ACACA: variants seen among roughly 807,000 people sequenced by gnomAD.
ACACA encodes acetyl-CoA carboxylase alpha, also known as acetyl-CoA carboxylase 1.
A neutral mutation model predicts 296.1 loss-of-function variants in ACACA; 103 were observed. The ratio of observed to expected loss-of-function variants is 0.35; its 90% CI spans 0.30 to 0.41. The LOEUF (loss-of-function observed/expected upper bound fraction) is 0.41, where lower values mean the gene tolerates loss of function less well. Ranked by LOEUF, ACACA falls within the 10% of genes least tolerant of loss-of-function variation. The pLI, the probability that ACACA is intolerant of heterozygous loss-of-function variation, is 1.00. For missense variants in ACACA, 1,554 were observed against 2,989.7 expected, an observed-to-expected ratio of 0.52 and a Z score of 11.20; for synonymous variants, 953 against 1,038.6, an observed-to-expected ratio of 0.92 and a Z score of 1.58.
chr17:37,289,359 A>G (rs1812037576), intron 3 of ACACA: 1 of 910,274 alleles, frequency 1.1e-6, no homozygotes, highest in Non-Finnish European at 1.5e-6. Context: ...CTTTTAAAGA[A>G]CTGTTACTAA....
intron 1 of ACACA, among the ~76,000 whole-genome samples, chr17:37,346,278 C>G (rs2048611664): frequency 6.8e-6 from 1 of 147,182 alleles, no homozygotes; most frequent in African/African-American, 2.6e-5. Flanking sequence ...GATCATGCCA[C>G]TGCACTCCAG....
At chr17:37,110,562 A>G (rs1409245777) in intron 52 of ACACA, among the ~76,000 whole-genome samples, 2 of 152,192 alleles carry the variant, frequency 1.3e-5, no homozygotes, top group African/African-American at 4.8e-5. Context: ...TTGGCAGGCA[A>G]CCTGGCTCAG....
At chr17:37,374,668 T>G (rs2049930802) in intron 1 of ACACA, among the ~76,000 whole-genome samples, 1 of 152,064 alleles carries the variant, frequency 6.6e-6, no homozygotes, top group Admixed American at 6.6e-5. Context: ...AAAATACAAA[T>G]TTGGAAAAAT....
intron 48 of ACACA, among the ~76,000 whole-genome samples, chr17:37,125,170 T>C (rs1014164387): frequency 3.9e-5 from 6 of 152,182 alleles, no homozygotes; most frequent in African/African-American, 1.4e-4. Context: ...TTCAAAAATA[T>C]AGGTATCTTG....
intron 45 of ACACA, among the ~76,000 whole-genome samples, chr17:37,149,309 C>T (rs2075943989): frequency 6.6e-6 from 1 of 152,186 alleles, no homozygotes; most frequent in Non-Finnish European, 1.5e-5. Context: ...TACAAGAGAC[C>T]ACCATCGGTG....
In ACACA at chr17:37,087,299, C is replaced by T; in HGVS notation, c.*17G>A. 6.2e-7 allele frequency: 1 copy of T among 1,614,026 alleles called. No homozygotes were observed. The highest frequency in any genetic ancestry group is 1.1e-5 in the South Asian group (1 of 91,074). On this transcript the variant is annotated 3_prime_UTR_variant, in exon 56 of 56. Coordinates refer to ENST00000616317, the MANE Select transcript of ACACA (RefSeq NM_198834.3). Reference sequence around the variant, plus strand: ...CTTTTCTCCAGAGACAGGGCAGGGACAGGCAGGAAGCTCTTCCTACGTGGA... The same window carrying T: ...CTTTTCTCCAGAGACAGGGCAGGGATAGGCAGGAAGCTCTTCCTACGTGGA...
At chr17:37,154,409 T>C (rs1265550108) in intron 43 of ACACA, among the ~76,000 whole-genome samples, 1 of 151,980 alleles carries the variant, frequency 6.6e-6, no homozygotes, top group African/African-American at 2.4e-5. Flanking sequence ...ATAGTTTAAA[T>C]AGTGTGGTAT....
rs1266765671 is a variant in ACACA at position 37,113,234 on chromosome 17, A to G, written c.6306T>C (p.Ala2102=). The change falls in exon 51 of 56, where the codon GCT becomes GCC. Residue 2102 remains alanine, a synonymous_variant. Coordinates refer to ENST00000616317, the MANE Select transcript of ACACA (RefSeq NM_198834.3). The surrounding 1 kb of genome is among the most constrained non-coding windows in gnomAD (Gnocchi z 4.0). ...ACTCCCTCAAGCCATCCACAATGTA[A>G]GCACCAAACTTCAGCACTTGGTCGT... The part of the protein sequence containing the change: ...DMYDQVLKFG[A]YIVDGLRECC... 1.2e-6 allele frequency: 2 copies of G among 1,614,138 alleles called. No individual in the cohort carries two copies. The highest frequency in any genetic ancestry group is 1.7e-5 in the Admixed American group (1 of 60,004).
At chr17:37,406,159 G>C (rs754806003) in intron 1 of ACACA, 103 bp downstream of exon 1, 5 of 1,332,594 alleles carry the variant, frequency 3.8e-6, no homozygotes, top group Non-Finnish European at 4.3e-6. Flanking sequence ...GAGACCGTAT[G>C]TGTAACCTGC....
chr17:37,301,837 GAAAGAA>G (rs2083633025), intron 3 of ACACA, among the ~76,000 whole-genome samples: 1 of 152,074 alleles, frequency 6.6e-6, no homozygotes, highest in African/African-American at 2.4e-5. Context: ...TCAAATTCTA[GAAAGAA>G]AAAGAAAGGC....
rs144483774 is a variant in ACACA, at chr17:37,400,972, A to G, written c.38+5290T>C. Among the ~76,000 whole-genome samples, 124 of 152,198 alleles carry G rather than the reference A, an allele frequency of 8.1e-4. No individual in the cohort carries two copies. The East Asian group carries it at 0.02, about 25-fold the overall frequency. On this transcript the variant is annotated intron_variant, in intron 1 of 55. Coordinates refer to ENST00000616317, the MANE Select transcript of ACACA (RefSeq NM_198834.3). ...AAAATTTTTAAGGAACCTCCATACT[A>G]TTTTCCAAAATGGCTGTACTAATTT...
intron 3 of ACACA, among the ~76,000 whole-genome samples, chr17:37,285,974 C>T (rs1196927689): frequency 1.3e-5 from 2 of 152,140 alleles, no homozygotes; most frequent in Non-Finnish European, 2.9e-5. Flanking sequence ...TCACTACAAC[C>T]TTCGACTCCC....
chr17:37,138,013 G>C (rs116752450), intron 45 of ACACA, among the ~76,000 whole-genome samples: 4 of 152,036 alleles, frequency 2.6e-5, no homozygotes, highest in African/African-American at 9.7e-5. Flanking sequence ...TTTCTTAGAC[G>C]CGCATACTAT....
At chr17:37,288,366 T>C (rs2082887453) in intron 3 of ACACA, among the ~76,000 whole-genome samples, 1 of 152,094 alleles carries the variant, frequency 6.6e-6, no homozygotes, top group South Asian at 2.1e-4. Context: ...CATGAATGAA[T>C]CTCAAAAACC....
chr17:37,285,902 G>C (rs1182852869), intron 3 of ACACA, among the ~76,000 whole-genome samples: 2 of 152,004 alleles, frequency 1.3e-5, no homozygotes, highest in Non-Finnish European at 2.9e-5. Context: ...TGTTTTTGTT[G>C]TTGTTTTGAG....
At chr17:37,178,551 A>G (rs1044959551) in intron 41 of ACACA, among the ~76,000 whole-genome samples, 1 of 152,212 alleles carries the variant, frequency 6.6e-6, no homozygotes, top group African/African-American at 2.4e-5. Flanking sequence ...GTGCACACCT[A>G]AAATCCCAGC....
At chr17:37,384,781 C>T (rs1377516202) in intron 1 of ACACA, among the ~76,000 whole-genome samples, 1 of 152,208 alleles carries the variant, frequency 6.6e-6, no homozygotes, top group Non-Finnish European at 1.5e-5. Flanking sequence ...AATCGGGGAT[C>T]ACCTCTTCCC....
chr17:37,142,264 G>A (rs1257252593), intron 45 of ACACA, among the ~76,000 whole-genome samples: 1 of 152,074 alleles, frequency 6.6e-6, no homozygotes, highest in Non-Finnish European at 1.5e-5. Context: ...TCTGTGTGGC[G>A]ATTCCACCCT....
intron 3 of ACACA, 124 bp from the exon 4 acceptor site, chr17:37,285,094 G>T: frequency 9.3e-7 from 1 of 1,075,530 alleles, no homozygotes; most frequent in Non-Finnish European, 1.4e-6. Flanking sequence ...GGCAGGTCAC[G>T]TACTTTTCAA....
Sources: gnomAD v4.1 joint callset for allele counts (sites outside exome capture counted in the v4.1 genomes callset) on GRCh38, gnomAD v4.1.1 for gene constraint, Gnocchi (gnomAD v3.1) non-coding constraint, MANE v1.5 for transcripts, NCBI Gene and HGNC (gene_info 2026-07-23, HGNC 2026-07-21) for gene names.